Variants in ORC4 observed in about 807,000 individuals in gnomAD.
ORC4 encodes the protein origin recognition complex subunit 4, also known as origin recognition complex, subunit 4 homolog.
A neutral mutation model predicts 63.9 loss-of-function variants in ORC4; 55 were observed. The observed-to-expected ratio is 0.86, with a 90% CI of 0.69 to 1.08. The LOEUF is 1.08. Among genes scored for constraint, ORC4 ranks in the 50% least tolerant of loss-of-function variants. The pLI, the probability that ORC4 is intolerant of heterozygous loss-of-function variation, is 0.00. For missense variants in ORC4, 511 were observed against 504.4 expected (o/e 1.01, Z -0.13); for synonymous variants, 150 against 168.5 (o/e 0.89, Z 0.85).
chr2:147,946,822 TATATAA>T lies in ORC4; in HGVS notation c.762+1223_762+1228del, dbSNP rs529674901. The stretch of plus-strand genomic sequence containing the variant: ...ATGTAAAAACAACATATTTAGCATG[TATATAA>T]ACTCTGCAATGTTGTAGACCAAGTA... On this transcript the variant is annotated intron_variant, in intron 9 of 13. Transcript: ENST00000392857. Among the ~76,000 whole-genome samples the T allele has an allele frequency of 3.1e-4, 47 of 152,150 alleles. No homozygotes were observed. The East Asian group carries it at 8.7e-3, about 28-fold the overall frequency.
Position 147,932,012 on chromosome 2 carries a change from A to C in ORC4, c.*3498T>G, listed in dbSNP as rs1687790602. Reference sequence around the variant, plus strand: ...TATTCAATTAGGAAAAGAGGAAGTCAAATTGTCCGTTTGCAGACGACATGA... The same window carrying C: ...TATTCAATTAGGAAAAGAGGAAGTCCAATTGTCCGTTTGCAGACGACATGA... On this transcript the variant is annotated 3_prime_UTR_variant, in exon 14 of 14. Transcript: ENST00000392857. 1 of 152,108 alleles carries C rather than the reference A, an allele frequency of 6.6e-6. No homozygotes were observed. Among genetic ancestry groups the C allele is most frequent in the South Asian group, 2.1e-4 (1 of 4,826 alleles). The allele number at this position is 152,108 out of a possible 1,614,324, so 9.4% of individuals were successfully genotyped here.
chr2:147,945,099 T>C (rs1688585007), intron 9 of ORC4, among the ~76,000 whole-genome samples: 1 of 152,018 alleles, frequency 6.6e-6, no homozygotes, highest in Non-Finnish European at 1.5e-5. Flanking sequence ...ATAGTCTTGG[T>C]TTCTGTAATC....
chr2:147,995,827 T>C (rs911150107), intron 1 of ORC4, among the ~76,000 whole-genome samples: 6 of 152,072 alleles, frequency 3.9e-5, no homozygotes, highest in Non-Finnish European at 1.5e-5. Context: ...TGCGAGGGTC[T>C]GCGGCTTCAT....
At position 147,932,350 on chromosome 2, in the gene ORC4, G is replaced by A. The variant is rs944048649; in HGVS notation, c.*3160C>T. The A allele has an allele frequency of 6.6e-6, 1 of 152,126 alleles. No homozygotes were observed. The highest frequency in any genetic ancestry group is 6.6e-5 in the Admixed American group (1 of 15,262). The allele number at this position is 152,126 out of a possible 1,614,324, so 9.4% of individuals were successfully genotyped here. ...AACATTCCATGCTCTTGGGTAGGAA[G>A]AATCAATATTGTGAAAATGGCCATA... On this transcript the variant is annotated 3_prime_UTR_variant, in exon 14 of 14. Transcript: ENST00000392857.
At chr2:148,015,446 C>T (rs1010287264) in intron 1 of ORC4, among the ~76,000 whole-genome samples, 2 of 150,768 alleles carry the variant, frequency 1.3e-5, no homozygotes. Flanking sequence ...TTCTGAGTAG[C>T]TGGGACTACA....
At chr2:148,013,831 G>A (rs1432081465) in intron 1 of ORC4, among the ~76,000 whole-genome samples, 3 of 152,128 alleles carry the variant, frequency 2.0e-5, no homozygotes, top group Non-Finnish European at 2.9e-5. Context: ...ATTTATGGTA[G>A]TGGCAGACAG....
intron 4 of ORC4, among the ~76,000 whole-genome samples, chr2:147,968,842 G>C (rs185215244): frequency 6.5e-4 from 99 of 152,074 alleles, no homozygotes; most frequent in Non-Finnish European, 1.3e-3. Context: ...CGTATTTATT[G>C]TTGTACTATT....
At chr2:147,997,602 T>C (rs895454842) in intron 1 of ORC4, among the ~76,000 whole-genome samples, 1 of 152,142 alleles carries the variant, frequency 6.6e-6, no homozygotes, top group Non-Finnish European at 1.5e-5. Context: ...TCTATGATTA[T>C]TTCTTCTCAA....
intron 1 of ORC4, among the ~76,000 whole-genome samples, chr2:148,012,740 C>G (rs577761032): frequency 7.9e-5 from 12 of 151,748 alleles, no homozygotes; most frequent in African/African-American, 2.9e-4. Context: ...TCTCAAACGA[C>G]TCAATAGGAA....
At chr2:148,013,447 G>A (rs1693092710) in intron 1 of ORC4, among the ~76,000 whole-genome samples, 1 of 152,184 alleles carries the variant, frequency 6.6e-6, no homozygotes. Flanking sequence ...GGAGAATCAA[G>A]AGGAGATGGT....
At position 147,935,415 on chromosome 2, in the gene ORC4, T is replaced by A; in HGVS notation, c.*95A>T. On this transcript the variant is annotated 3_prime_UTR_variant, in exon 14 of 14. Coordinates refer to ENST00000392857, the MANE Select transcript of ORC4 (RefSeq NM_181741.4). ...AGTCTCACATAAATACAAGAATGTT[T>A]ATAGAATGTTTAGCATATCATGTTA... The A allele has an allele frequency of 1.1e-6, 1 of 925,616 alleles. No homozygotes were observed. The highest frequency in any genetic ancestry group is 1.8e-6 in the Non-Finnish European group (1 of 568,528). The allele number at this position is 925,616 out of a possible 1,614,324, so 57.3% of individuals were successfully genotyped here. A position where few individuals can be genotyped will look rare whatever the true frequency, so the allele number is the denominator to read the frequency against.
Position 147,952,377 on chromosome 2 carries a change from C to A in ORC4, c.584G>T (p.Arg195Ile), listed in dbSNP as rs528906038. ...TTAATGAACAGAAAGACTTACCAAT[C>A]TACATGTAAGACCAATAACTGCTAT... ...TPIAVIGLTC[R>I]LDILELLEKR... Residue 195 changes from arginine to isoleucine, a missense_variant, in exon 8 of 14, where the codon AGA becomes ATA. Physicochemically the swap from Arg to Ile is moderately conservative, Grantham distance 97. Coordinates refer to ENST00000392857, the MANE Select transcript of ORC4 (RefSeq NM_181741.4). 1 of 1,599,566 alleles carries A rather than the reference C, an allele frequency of 6.3e-7. No homozygotes were observed. Among genetic ancestry groups the A allele is most frequent in the South Asian group, 1.1e-5 (1 of 90,018 alleles).
intron 3 of ORC4, 110 bp downstream of exon 3, chr2:147,973,338 A>G (rs1690334938): frequency 2.6e-6 from 2 of 756,618 alleles, no homozygotes; most frequent in South Asian, 1.5e-5. Context: ...TTATTTCTAT[A>G]AAAGTGTTTG....
rs1348904703 is a variant in ORC4 at position 147,935,643 on chromosome 2, C to G, written c.1178G>C (p.Gly393Ala). 1 of 1,613,456 alleles carries G rather than the reference C, an allele frequency of 6.2e-7. No individual in the cohort carries two copies. Among genetic ancestry groups the G allele is most frequent in the Non-Finnish European group, 8.5e-7 (1 of 1,179,814 alleles). The change falls in exon 14 of 14, where the codon GGA becomes GCA. Residue 393 changes from glycine (G) to alanine (A), a missense_variant. Transcript: ENST00000392857. ...CAGCTGGTACTCTCTCTGTGAATTT[C>G]CTGAAGTTCTTTCCATGGGCTTTAT... ...ELIKPMERTS[G>A]NSQREYQLMK...
Position 147,935,602 on chromosome 2 carries a change from C to T in ORC4, c.1219G>A (p.Asp407Asn), listed in dbSNP as rs1430787257. Residue 407 changes from aspartate (D) to asparagine (N), a missense_variant, in exon 14 of 14, where the codon GAT (aspartate) becomes AAT (asparagine). Physicochemically the swap from Asp to Asn is conservative, Grantham distance 23. Transcript: ENST00000392857. The part of the protein sequence containing the change: ...REYQLMKLLL[D>N]NTQIMNALQK... ...AGAGCATTCATAATTTGAGTATTAT[C>T]CAAAAGCAGTTTCATCAGCTGGTAC... 15 of 1,613,652 alleles carry T rather than the reference C, an allele frequency of 9.3e-6. No individual in the cohort carries two copies. The highest frequency in any genetic ancestry group is 1.1e-5 in the Non-Finnish European group (13 of 1,179,668).
At chr2:147,938,241 A>G (rs751459659) in intron 12 of ORC4, 28 bp from the exon 13 acceptor site, 2 of 1,599,928 alleles carry the variant, frequency 1.3e-6, no homozygotes. Context: ...ACAACATTAT[A>G]CCTTCAAATA....
At chr2:147,960,843 T>C (rs1431243114) in intron 4 of ORC4, among the ~76,000 whole-genome samples, 1 of 152,156 alleles carries the variant, frequency 6.6e-6, no homozygotes, top group Non-Finnish European at 1.5e-5. Context: ...GAGCTATGAT[T>C]GAGCCGCTGG....
At position 147,950,933 on chromosome 2, in the gene ORC4, C is replaced by T. The variant is rs1017214746; in HGVS notation, c.588+1440G>A. ...CAACACTCACCACAGCCACTTCCAC[C>T]CAAAGGAAGATTTTTTTTTTTTTGG... On this transcript the variant is annotated intron_variant, in intron 8 of 13. Coordinates refer to ENST00000392857, the MANE Select transcript of ORC4 (RefSeq NM_181741.4). 5.4e-5 allele frequency among the ~76,000 whole-genome samples: 8 copies of T among 148,598 alleles called. No homozygotes were observed. In the Admixed American group the frequency reaches 5.5e-4, roughly 10 times the overall value.
At chr2:147,954,425 C>T (rs1240703989) in intron 7 of ORC4, among the ~76,000 whole-genome samples, 1 of 152,112 alleles carries the variant, frequency 6.6e-6, no homozygotes, top group Non-Finnish European at 1.5e-5. Flanking sequence ...ATGGCATAGC[C>T]TATTGCTCCT....
Sources: allele counts gnomAD v4.1 joint callset (sites outside exome capture counted in the v4.1 genomes callset), GRCh38; gene constraint gnomAD v4.1.1; transcripts MANE v1.5; gene names NCBI Gene and HGNC (gene_info 2026-07-23, HGNC 2026-07-21).